The following FSTL5 variants were observed in gnomAD, a reference collection of about 807,000 sequenced individuals.
The protein encoded by FSTL5 is follistatin like 5.
FSTL5 carries 62 observed loss-of-function variants against 89.1 expected under a neutral mutation model. The ratio of observed to expected loss-of-function variants is 0.70; its 90% CI spans 0.57 to 0.86. The LOEUF (loss-of-function observed/expected upper bound fraction) is 0.86. Ranked by LOEUF, FSTL5 falls within the 40% of genes least tolerant of loss-of-function variation. The pLI is 0.00. For synonymous variants in FSTL5, 383 were observed against 346.2 expected (o/e 1.11, Z -1.18); for missense variants, 1,057 against 1,001.6 (o/e 1.06, Z -0.75).
chr4:161,542,739 T>C, intron 8 of FSTL5, 46 bp from the exon 9 acceptor site: 2 of 1,304,900 alleles, frequency 1.5e-6, no homozygotes, highest in Non-Finnish European at 2.0e-6. Context: ...ATTCATATTT[T>C]CTATTTAATT....
chr4:161,872,892 T>C (rs1732320650), intron 4 of FSTL5, among the ~76,000 whole-genome samples: 1 of 152,056 alleles, frequency 6.6e-6, no homozygotes, highest in African/African-American at 2.4e-5. Flanking sequence ...TTTTATTGAC[T>C]GAAATAAAGG....
intron 1 of FSTL5, among the ~76,000 whole-genome samples, chr4:162,132,285 C>G (rs1313384219): frequency 6.6e-6 from 1 of 152,168 alleles, no homozygotes; most frequent in East Asian, 1.9e-4. Context: ...CACTACAGTG[C>G]TCCATCAGAG....
intron 6 of FSTL5, among the ~76,000 whole-genome samples, chr4:161,656,728 A>G (rs1406914429): frequency 6.6e-6 from 1 of 152,220 alleles, no homozygotes; most frequent in Non-Finnish European, 1.5e-5. Context: ...TGAAATGAAT[A>G]TCAGAAGTAG....
intron 7 of FSTL5, among the ~76,000 whole-genome samples, chr4:161,618,030 G>A (rs970657625): frequency 1.3e-5 from 2 of 151,788 alleles, no homozygotes; most frequent in African/African-American, 2.4e-5. Flanking sequence ...CCTTGAAGAG[G>A]TCCTTCACGT....
At chr4:161,889,825 T>G (rs537439250) in intron 4 of FSTL5, among the ~76,000 whole-genome samples, 1 of 152,200 alleles carries the variant, frequency 6.6e-6, no homozygotes, top group Non-Finnish European at 1.5e-5. Context: ...TTTATCCACC[T>G]ATTTACAAAA....
intron 8 of FSTL5, among the ~76,000 whole-genome samples, chr4:161,566,820 C>A (rs1732832356): frequency 6.6e-6 from 1 of 152,030 alleles, no homozygotes; most frequent in African/African-American, 2.4e-5. Flanking sequence ...AGGTATTAAT[C>A]TGGAGAACTC....
rs1047882997 is a variant in FSTL5, at chr4:161,434,168, G to C, written c.1841+20836C>G. The stretch of plus-strand genomic sequence containing the variant: ...CTTCAAATTATACTACAGTGCTGTA[G>C]TAACCAAAACAGCATGGTACTGGCA... On this transcript the variant is annotated intron_variant, in intron 15 of 15. Coordinates refer to ENST00000306100, the MANE Select transcript of FSTL5 (RefSeq NM_020116.5). Among the ~76,000 whole-genome samples, 12 of 152,194 alleles carry C rather than the reference G, an allele frequency of 7.9e-5. No individual in the cohort carries two copies. In the East Asian group the frequency reaches 2.3e-3, roughly 29 times the overall value.
At chr4:161,884,778 G>A (rs1732746505) in intron 4 of FSTL5, among the ~76,000 whole-genome samples, 1 of 152,118 alleles carries the variant, frequency 6.6e-6, no homozygotes, top group Non-Finnish European at 1.5e-5. Flanking sequence ...GAGGTCTTTA[G>A]CTCAGTTACA....
chr4:161,556,826 A>G (rs1322033602), intron 8 of FSTL5, among the ~76,000 whole-genome samples: 5 of 144,832 alleles, frequency 3.5e-5, no homozygotes, highest in African/African-American at 1.1e-4. Context: ...GATTATATAT[A>G]TATGTGTGTG....
At chr4:161,438,896 G>A (rs1578975049) in intron 15 of FSTL5, among the ~76,000 whole-genome samples, 1 of 151,260 alleles carries the variant, frequency 6.6e-6, no homozygotes, top group East Asian at 1.9e-4. Flanking sequence ...GTAAGTATAG[G>A]TTATATCCCT....
At chr4:161,453,043 A>C (rs1733227731) in intron 15 of FSTL5, among the ~76,000 whole-genome samples, 1 of 152,200 alleles carries the variant, frequency 6.6e-6, no homozygotes, top group African/African-American at 2.4e-5. Context: ...TTATATCTAC[A>C]AACACAGAAT....
chr4:161,926,460 A>C (rs948781976), intron 3 of FSTL5, among the ~76,000 whole-genome samples: 3 of 150,980 alleles, frequency 2.0e-5, no homozygotes, highest in Non-Finnish European at 4.4e-5. Flanking sequence ...AAGTAGAAAA[A>C]AGCCAGAGAT....
At chr4:161,982,927 T>C (rs1402805259) in intron 3 of FSTL5, among the ~76,000 whole-genome samples, 2 of 152,200 alleles carry the variant, frequency 1.3e-5, no homozygotes, top group Admixed American at 1.3e-4. Flanking sequence ...AAATATACTA[T>C]GCATCTCCTA....
intron 13 of FSTL5, among the ~76,000 whole-genome samples, chr4:161,473,639 C>A (rs1734026143): frequency 6.6e-6 from 1 of 152,058 alleles, no homozygotes; most frequent in Non-Finnish European, 1.5e-5. Flanking sequence ...ACTATGTTGT[C>A]CAGGTAGGTC....
At chr4:161,974,066 T>C (rs1314705443) in intron 3 of FSTL5, among the ~76,000 whole-genome samples, 1 of 152,098 alleles carries the variant, frequency 6.6e-6, no homozygotes, top group Non-Finnish European at 1.5e-5. Context: ...GTGAAGGACC[T>C]CTTCAAGGAG....
intron 2 of FSTL5, among the ~76,000 whole-genome samples, chr4:162,062,027 T>G (rs1044717750): frequency 6.6e-6 from 1 of 152,046 alleles, no homozygotes; most frequent in Non-Finnish European, 1.5e-5. Context: ...AGCTTATTCT[T>G]TAGTTTCATT....
chr4:161,651,589 T>C (rs1181038113), intron 7 of FSTL5, among the ~76,000 whole-genome samples: 1 of 152,218 alleles, frequency 6.6e-6, no homozygotes, highest in Non-Finnish European at 1.5e-5. Context: ...TGTCGTTTCA[T>C]AGAAAACTTA....
intron 10 of FSTL5, among the ~76,000 whole-genome samples, chr4:161,530,774 C>T (rs1409339933): frequency 6.6e-6 from 1 of 152,070 alleles, no homozygotes; most frequent in Non-Finnish European, 1.5e-5. Context: ...CTGTTCTTAG[C>T]ACTTAATGCA....
At chr4:161,692,521 T>G (rs1351432021) in intron 6 of FSTL5, among the ~76,000 whole-genome samples, 1 of 152,128 alleles carries the variant, frequency 6.6e-6, no homozygotes, top group Non-Finnish European at 1.5e-5. Flanking sequence ...AAAAGTAAGT[T>G]AAAATGAAGT....
Sources: gnomAD v4.1 joint callset for allele counts (sites outside exome capture counted in the v4.1 genomes callset) on GRCh38, gnomAD v4.1.1 for gene constraint, MANE v1.5 for transcripts, NCBI Gene and HGNC (gene_info 2026-07-23, HGNC 2026-07-21) for gene names.